Variants in ABCC10 observed in about 807,000 individuals in gnomAD.
The protein encoded by ABCC10 is ATP-binding cassette sub-family C member 10.
ABCC10 carries 110 observed loss-of-function variants against 143.2 expected under a neutral mutation model. That is an observed-to-expected ratio of 0.77 (90% CI 0.66 to 0.90). The LOEUF (loss-of-function observed/expected upper bound fraction) is 0.90, where lower values mean the gene tolerates loss of function less well. Ranked by LOEUF, ABCC10 falls within the 40% of genes least tolerant of loss-of-function variation. The probability of loss-of-function intolerance (pLI) is 0.00; values close to 1 mark genes in which losing one functional copy is unlikely to be tolerated. For synonymous variants in ABCC10, 805 were observed against 846.7 expected, an observed-to-expected ratio of 0.95 and a Z score of 0.85; for missense variants, 1,700 against 1,900.5, an observed-to-expected ratio of 0.89 and a Z score of 1.96.
intron 18 of ABCC10, 53 bp from the exon 19 acceptor site, chr6:43,448,828 G>A: frequency 6.4e-7 from 1 of 1,556,622 alleles, no homozygotes; most frequent in Non-Finnish European, 8.7e-7. Flanking sequence ...ACTGAGCTGG[G>A]AGCAGAAGTG....
At chr6:43,448,333 T>C (rs1157586676) in intron 18 of ABCC10, among the ~76,000 whole-genome samples, 1 of 152,188 alleles carries the variant, frequency 6.6e-6, no homozygotes, top group Admixed American at 6.5e-5. Flanking sequence ...AACCCTTCCT[T>C]ACCTCCAGGT....
At chr6:43,433,908 G>A (rs1171339392) in intron 3 of ABCC10, among the ~76,000 whole-genome samples, 1 of 152,230 alleles carries the variant, frequency 6.6e-6, no homozygotes, top group East Asian at 1.9e-4. Flanking sequence ...GGCTGAATCT[G>A]CAGAGCTCTG....
intron 5 of ABCC10, 53 bp downstream of exon 5, chr6:43,435,960 G>A: frequency 1.9e-6 from 3 of 1,610,384 alleles, no homozygotes; most frequent in Non-Finnish European, 2.5e-6. Flanking sequence ...GGGAAGTGGA[G>A]CCACTTGGGT....
In ABCC10 at chr6:43,434,704, C is replaced by T. The variant is rs1235932936; in HGVS notation, c.1464C>T (p.Cys488=). Residue 488 remains cysteine (C), a synonymous_variant, in exon 4 of 22, where the codon TGC becomes TGT. Coordinates refer to ENST00000372530, the MANE Select transcript of ABCC10 (RefSeq NM_001198934.2). ...EQALGARVEA[C]RARELGRLRV... ...CACTGGGAGCCCGAGTAGAGGCCTG[C>T]CGGGCTCGAGAGCTGGGGCGACTCC... is the stretch of plus-strand genomic sequence containing the variant. 2 of 1,614,160 alleles carry T rather than the reference C, an allele frequency of 1.2e-6. No individual in the cohort carries two copies. The highest frequency in any genetic ancestry group is 1.7e-6 in the Non-Finnish European group (2 of 1,180,026).
Position 43,450,403 on chromosome 6 carries a change from T to TA in ABCC10, c.*319dup. ...AAATTCCATCTTACATTCTGTGTAT[T>TA]AAAAAAATAATATTTCTGGTGTGAG... On this transcript the variant is annotated 3_prime_UTR_variant, in exon 22 of 22. Coordinates refer to ENST00000372530, the MANE Select transcript of ABCC10 (RefSeq NM_001198934.2). The surrounding 1 kb of genome is among the most constrained non-coding windows in gnomAD (Gnocchi z 4.5). The TA allele has an allele frequency of 9.0e-7, 1 of 1,106,548 alleles. No homozygotes were observed. 68.5% of individuals were successfully genotyped at this position (1,106,548 alleles called of 1,614,324 possible).
chr6:43,449,532 T>C lies in ABCC10; in HGVS notation c.4314T>C (p.His1438=), dbSNP rs757403446. The C allele has an allele frequency of 3.1e-6, 5 of 1,612,394 alleles. No individual in the cohort carries two copies. Among genetic ancestry groups the C allele is most frequent in the Admixed American group, 1.7e-5 (1 of 59,734 alleles). Residue 1438 remains histidine, a splice_region_variant and synonymous_variant, in exon 21 of 22, where the codon CAT becomes CAC. Coordinates refer to ENST00000372530, the MANE Select transcript of ABCC10 (RefSeq NM_001198934.2). ...ACAAGACAGTGCTGACCATTGCCCATAGGTATGTAAACGCCTGGTAACAGC... is the reference window on the plus strand; with the variant it reads ...ACAAGACAGTGCTGACCATTGCCCACAGGTATGTAAACGCCTGGTAACAGC... ...FANKTVLTIA[H]RLNTILNSDR... is the part of the protein sequence containing the mutation.
chr6:43,441,630 T>C (rs1030716799), intron 8 of ABCC10, among the ~76,000 whole-genome samples: 5 of 152,252 alleles, frequency 3.3e-5, no homozygotes, highest in Non-Finnish European at 7.3e-5. Context: ...TAAGATTACA[T>C]TGGGGCTTGA....
At chr6:43,436,282 A>T in intron 6 of ABCC10, 35 bp downstream of exon 6, 1 of 1,603,590 alleles carries the variant, frequency 6.2e-7, no homozygotes, top group Non-Finnish European at 8.5e-7. Context: ...GAGTCCTCAG[A>T]CTAACGAGAG....
chr6:43,437,454 AAAAG>A (rs1781865239), intron 6 of ABCC10, among the ~76,000 whole-genome samples: 2 of 149,818 alleles, frequency 1.3e-5, no homozygotes, highest in Admixed American at 6.7e-5. Flanking sequence ...AAAAAAAAAA[AAAAG>A]GTAAACAGAA....
rs1445818003 is a variant in ABCC10, at chr6:43,443,775, G to A, written c.2417-158G>A. 4.3e-6 allele frequency: 3 copies of A among 705,426 alleles called. No individual in the cohort carries two copies. Among genetic ancestry groups the A allele is most frequent in the African/African-American group, 3.5e-5 (2 of 57,154 alleles). The allele number at this position is 705,426 out of a possible 1,614,324, so 43.7% of individuals were successfully genotyped here. ...TCCAGAGCAGGGTGGGTTAGAGAGG[G>A]AGGCCTAAGAGTCCTGCTCGAGGTC... On this transcript the variant is annotated intron_variant, in intron 10 of 21. Coordinates refer to ENST00000372530, the MANE Select transcript of ABCC10 (RefSeq NM_001198934.2). This position sits in a 1 kb window ranked among gnomAD's most constrained non-coding sequence, Gnocchi z 4.2.
At position 43,445,321 on chromosome 6, in the gene ABCC10, G is replaced by T. The variant is rs1782925691; in HGVS notation, c.3030+7G>T. On this transcript the variant is annotated splice_region_variant and intron_variant, in intron 14 of 21. Transcript: ENST00000372530. Reference sequence around the variant, plus strand: ...GCTGCATCGAGTCCTTATGGTGAGGGGCTGGGACCTCGGGGGTAGGGGAGT... The same window carrying T: ...GCTGCATCGAGTCCTTATGGTGAGGTGCTGGGACCTCGGGGGTAGGGGAGT... 3.7e-6 allele frequency: 6 copies of T among 1,612,080 alleles called. No individual in the cohort carries two copies. Among genetic ancestry groups the T allele is most frequent in the Non-Finnish European group, 5.1e-6 (6 of 1,179,078 alleles).
intron 15 of ABCC10, 87 bp downstream of exon 15, chr6:43,446,029 T>C: frequency 7.0e-7 from 1 of 1,418,890 alleles, no homozygotes; most frequent in Non-Finnish European, 9.5e-7. Context: ...AGGGTATGGT[T>C]GGTTCAGCCC....
At chr6:43,448,799 G>A in intron 18 of ABCC10, 82 bp from the exon 19 acceptor site, 1 of 1,505,822 alleles carries the variant, frequency 6.6e-7, no homozygotes, top group Non-Finnish European at 8.9e-7. Context: ...TCATGGAGGT[G>A]CTAGCCCTGT....
At chr6:43,447,208 T>C in intron 16 of ABCC10, 40 bp from the exon 17 acceptor site, 14 of 1,597,046 alleles carry the variant, frequency 8.8e-6, no homozygotes, top group Non-Finnish European at 1.1e-5. Context: ...AACGTCCCGG[T>C]GTCCAAGCTC....
At chr6:43,437,633 C>T (rs1781890537) in intron 6 of ABCC10, among the ~76,000 whole-genome samples, 1 of 152,074 alleles carries the variant, frequency 6.6e-6, no homozygotes, top group South Asian at 2.1e-4. Context: ...CAGAGTTTAC[C>T]TTGGAAGTTC....
chr6:43,436,277 C>T (rs200669890), intron 6 of ABCC10, 30 bp downstream of exon 6: 7 of 1,606,382 alleles, frequency 4.4e-6, no homozygotes, highest in Middle Eastern at 2.0e-4. Context: ...TGGGAGAGTC[C>T]TCAGACTAAC....
downstream of ABCC10, chr6:43,450,554 C>G: frequency 6.4e-7 from 1 of 1,564,072 alleles, no homozygotes; most frequent in Non-Finnish European, 8.7e-7. The surrounding 1 kb of genome is among the most constrained non-coding windows in gnomAD (Gnocchi z 4.5). Flanking sequence ...GTGCTGTGGT[C>G]TTTCCAGGCT....
Position 43,432,996 on chromosome 6 carries a change from T to G in ABCC10, c.1016T>G (p.Val339Gly). 1 of 1,614,128 alleles carries G rather than the reference T, an allele frequency of 6.2e-7. No homozygotes were observed. Among genetic ancestry groups the G allele is most frequent in the Non-Finnish European group, 8.5e-7 (1 of 1,180,012 alleles). Residue 339 changes from valine (V) to glycine (G), a missense_variant, in exon 3 of 22, where the codon GTG becomes GGG. Coordinates refer to ENST00000372530, the MANE Select transcript of ABCC10 (RefSeq NM_001198934.2). ...GLAGGAVLGA[V>G]LQNQYGYEVY... ...GCCGGTGGGGCTGTGCTGGGTGCTG[T>G]GCTGCAGAATCAGTATGGGTATGAG...
In ABCC10 at chr6:43,444,837, G is replaced by A. The variant is rs146760100; in HGVS notation, c.2739G>A (p.Leu913=). ...DWWLSHWISQ[L]KAENSSQEAQ... is the part of the protein sequence containing the mutation. Reference sequence around the variant, plus strand: ...GGCTCTCCCACTGGATCTCTCAGCTGAAGGCTGAGAATAGCTCCCAGGAGG... The same window carrying A: ...GGCTCTCCCACTGGATCTCTCAGCTAAAGGCTGAGAATAGCTCCCAGGAGG... The change falls in exon 13 of 22, where the codon CTG becomes CTA. Residue 913 remains leucine (L), a synonymous_variant. Transcript: ENST00000372530. The A allele has an allele frequency of 1.5e-4, 239 of 1,613,614 alleles. No individual in the cohort carries two copies. Among genetic ancestry groups the A allele is most frequent in the Non-Finnish European group, 1.9e-4 (220 of 1,179,746 alleles).
Sources: allele counts gnomAD v4.1 joint callset (sites outside exome capture counted in the v4.1 genomes callset), GRCh38; gene constraint gnomAD v4.1.1; non-coding constraint Gnocchi (gnomAD v3.1); transcripts MANE v1.5; gene names NCBI Gene and HGNC (gene_info 2026-07-23, HGNC 2026-07-21).